The following FGD4 variants were observed in gnomAD, a reference collection of about 807,000 sequenced individuals.
FGD4 encodes FYVE, RhoGEF and PH domain-containing protein 4.
A neutral mutation model predicts 102.0 loss-of-function variants in FGD4; 42 were observed. That is an observed-to-expected ratio of 0.41 (90% CI 0.32 to 0.53). FGD4 has a LOEUF of 0.53. Ranked by LOEUF, FGD4 falls within the 20% of genes least tolerant of loss-of-function variation. FGD4 has a pLI of 0.21. For synonymous variants in FGD4, 380 were observed against 375.7 expected, an observed-to-expected ratio of 1.01 and a Z score of -0.13; for missense variants, 902 against 1,078.2, an observed-to-expected ratio of 0.84 and a Z score of 2.29.
chr12:32,594,921 C>T (rs1481633184), intron 4 of FGD4, among the ~76,000 whole-genome samples: 1 of 151,228 alleles, frequency 6.6e-6, no homozygotes, highest in African/African-American at 2.4e-5. Flanking sequence ...GTGTCAGCTG[C>T]TTGGGGGGCT....
intron 1 of FGD4, among the ~76,000 whole-genome samples, chr12:32,454,730 C>T (rs1942904360): frequency 6.6e-6 from 1 of 152,100 alleles, no homozygotes; most frequent in South Asian, 2.1e-4. Context: ...GATCATAAAG[C>T]ATGCTTTTGA....
chr12:32,556,455 TG>T (rs1265437551), intron 1 of FGD4, among the ~76,000 whole-genome samples: 1 of 152,190 alleles, frequency 6.6e-6, no homozygotes, highest in Non-Finnish European at 1.5e-5. Context: ...TTCCATTTTC[TG>T]TTTCTATGAT....
chr12:32,633,393 G>A (rs926732564), intron 14 of FGD4, among the ~76,000 whole-genome samples, 156 bp from the exon 15 acceptor site: 1 of 152,186 alleles, frequency 6.6e-6, no homozygotes, highest in African/African-American at 2.4e-5. Flanking sequence ...GAAACACCTT[G>A]ATATGTACTT....
At chr12:32,429,769 G>A (rs1941985380) in intron 1 of FGD4, among the ~76,000 whole-genome samples, 1 of 152,188 alleles carries the variant, frequency 6.6e-6, no homozygotes, top group Non-Finnish European at 1.5e-5. Flanking sequence ...GTGTCTTTTA[G>A]CATGCTAATT....
intron 1 of FGD4, among the ~76,000 whole-genome samples, chr12:32,409,592 C>G (rs185696597): frequency 6.6e-6 from 1 of 152,164 alleles, no homozygotes; most frequent in Non-Finnish European, 1.5e-5. Flanking sequence ...CAGCCTCCCC[C>G]CAGTAATTTT....
intron 4 of FGD4, among the ~76,000 whole-genome samples, chr12:32,591,664 C>T (rs1004431724): frequency 4.6e-5 from 7 of 152,160 alleles, no homozygotes; most frequent in Non-Finnish European, 8.8e-5. Context: ...GCAGTGGGGG[C>T]CCTTTGTTCT....
intron 2 of FGD4, among the ~76,000 whole-genome samples, chr12:32,570,387 G>A (rs1945562429): frequency 6.6e-6 from 1 of 151,776 alleles, no homozygotes; most frequent in South Asian, 2.1e-4. Context: ...ATATCCTTTG[G>A]ACTGTTAGGT....
intron 1 of FGD4, among the ~76,000 whole-genome samples, chr12:32,526,631 C>T (rs548362511): frequency 1.3e-5 from 2 of 152,336 alleles, no homozygotes; most frequent in African/African-American, 2.4e-5. Flanking sequence ...TGGCAACCTG[C>T]TCAGGTCCCC....
intron 2 of FGD4, among the ~76,000 whole-genome samples, chr12:32,574,187 T>G (rs1380071835): frequency 6.6e-6 from 1 of 152,216 alleles, no homozygotes; most frequent in Non-Finnish European, 1.5e-5. Flanking sequence ...TTCTCTCATC[T>G]GGCACATAAT....
chr12:32,472,926 T>C (rs967882445), intron 1 of FGD4, among the ~76,000 whole-genome samples: 1 of 151,662 alleles, frequency 6.6e-6, no homozygotes, highest in South Asian at 2.1e-4. Context: ...ATTGTAAATA[T>C]ACCAATCGGC....
intron 1 of FGD4, chr12:32,534,151 A>T: frequency 3.9e-6 from 1 of 253,282 alleles, no homozygotes; most frequent in Non-Finnish European, 6.2e-6. Context: ...GAATGCTTTT[A>T]AAGGTTCCAT....
intron 1 of FGD4, among the ~76,000 whole-genome samples, chr12:32,440,569 A>G (rs1222651193): frequency 6.6e-6 from 1 of 152,194 alleles, no homozygotes; most frequent in Non-Finnish European, 1.5e-5. Flanking sequence ...GACCACCACT[A>G]TAACTGAACC....
At chr12:32,499,837 G>A (rs1041228995) in intron 1 of FGD4, among the ~76,000 whole-genome samples, 2 of 152,188 alleles carry the variant, frequency 1.3e-5, no homozygotes, top group African/African-American at 2.4e-5. Flanking sequence ...CCAGCATGGC[G>A]AAACTCCGTC....
intron 1 of FGD4, chr12:32,534,182 A>T: frequency 1.6e-6 from 1 of 632,274 alleles, no homozygotes; most frequent in Non-Finnish European, 2.1e-6. Flanking sequence ...TGTTTACTTT[A>T]CTTTGATAAA....
intron 15 of FGD4, among the ~76,000 whole-genome samples, chr12:32,636,343 G>T (rs1950813463): frequency 6.6e-6 from 1 of 152,092 alleles, no homozygotes. Flanking sequence ...AGACCAGCCT[G>T]ACGAACATGG....
chr12:32,401,015 G>T (rs1940639994), intron 1 of FGD4, among the ~76,000 whole-genome samples: 1 of 152,198 alleles, frequency 6.6e-6, no homozygotes, highest in African/African-American at 2.4e-5. Flanking sequence ...ACAAGTAACT[G>T]AATTACAGTG....
chr12:32,476,152 A>G (rs1943580697), intron 1 of FGD4, among the ~76,000 whole-genome samples: 1 of 152,028 alleles, frequency 6.6e-6, no homozygotes. Flanking sequence ...CACCAGTAAC[A>G]TTTCTATACT....
rs182490982 is a variant in FGD4, at chr12:32,471,599, A to C, written c.166+71640A>C. 1.2e-4 allele frequency among the ~76,000 whole-genome samples: 18 copies of C among 152,308 alleles called. 1 individual carries two copies. Among genetic ancestry groups the C allele is most frequent in the Admixed American group, 5.9e-4 (9 of 15,296 alleles). The stretch of plus-strand genomic sequence containing the variant: ...TATTGCAGTGTAATAAACTACTCTA[A>C]AGCTTAGTAGCTTCAATTAGTGATT... On this transcript the variant is annotated intron_variant, in intron 1 of 16. Transcript: ENST00000534526.
chr12:32,433,458 C>T lies in FGD4; in HGVS notation c.166+33499C>T, dbSNP rs1045075806. Reference sequence around the variant, plus strand: ...CTGCCTCCCAGGTTCAAGCGATTCTCCTGCCTCAGCCTCCCGAGTAGCTGG... The same window carrying T: ...CTGCCTCCCAGGTTCAAGCGATTCTTCTGCCTCAGCCTCCCGAGTAGCTGG... On this transcript the variant is annotated intron_variant, in intron 1 of 16. Coordinates refer to ENST00000534526, the MANE Select transcript of FGD4 (RefSeq NM_001370298.3). 4.6e-5 allele frequency among the ~76,000 whole-genome samples: 7 copies of T among 152,060 alleles called. No homozygotes were observed. In the South Asian group the frequency reaches 8.3e-4, roughly 18 times the overall value.
Sources: gnomAD v4.1 joint callset for allele counts (sites outside exome capture counted in the v4.1 genomes callset) on GRCh38, gnomAD v4.1.1 for gene constraint, MANE v1.5 for transcripts, NCBI Gene and HGNC (gene_info 2026-07-23, HGNC 2026-07-21) for gene names.